The following SHROOM2 variants were observed in gnomAD, a reference collection of about 807,000 sequenced individuals.
SHROOM2 encodes the protein shroom family member 2, also known as protein Shroom2.
In SHROOM2, 33 loss-of-function variants were observed where a neutral mutation model predicts 75.9. The ratio of observed to expected loss-of-function variants is 0.43; its 90% CI spans 0.33 to 0.58. The LOEUF (loss-of-function observed/expected upper bound fraction) is 0.58, where lower values mean the gene tolerates loss of function less well. Among genes scored for constraint, SHROOM2 ranks in the 20% least tolerant of loss-of-function variants. The pLI is 0.04. For missense variants in SHROOM2, 1,434 were observed against 1,461.2 expected, an observed-to-expected ratio of 0.98 and a Z score of 0.30; for synonymous variants, 655 against 663.6, an observed-to-expected ratio of 0.99 and a Z score of 0.20.
rs2084198239 is a variant in SHROOM2 at position 9,875,855 on chromosome X, A to G, written c.317+2052A>G. Among the ~76,000 whole-genome samples the G allele has an allele frequency of 3.5e-5, 4 of 112,721 alleles. No individual in the cohort carries two copies. In the South Asian group the frequency reaches 1.5e-3, roughly 41 times the overall value. On this transcript the variant is annotated intron_variant, in intron 2 of 9. Transcript: ENST00000380913. ...GTCAGGTATCATTCCATATGTTTAGAAGCAAGGTAGATGTGATTCTTTTTT... is the reference window on the plus strand; with the variant it reads ...GTCAGGTATCATTCCATATGTTTAGGAGCAAGGTAGATGTGATTCTTTTTT...
At chrX:9,844,871 T>C (rs1177875294) in intron 1 of SHROOM2, among the ~76,000 whole-genome samples, 14 of 111,539 alleles carry the variant, frequency 1.3e-4, no homozygotes, top group South Asian at 7.6e-4. Flanking sequence ...TTCAAAATAG[T>C]GTTTGAAAGT....
chrX:9,802,762 C>T (rs932874780), intron 1 of SHROOM2, among the ~76,000 whole-genome samples: 4 of 110,883 alleles, frequency 3.6e-5, no homozygotes, highest in Admixed American at 9.7e-5. Context: ...CACATTGTTA[C>T]ACTGTTCTGA....
chrX:9,910,018 T>C (rs1045782355), intron 5 of SHROOM2, among the ~76,000 whole-genome samples: 1 of 110,013 alleles, frequency 9.1e-6, no homozygotes, highest in African/African-American at 3.3e-5. Flanking sequence ...TCGCAAGAGC[T>C]CCATCCTTAT....
At chrX:9,938,230 A>G (rs12689222) in intron 7 of SHROOM2, among the ~76,000 whole-genome samples, 13,372 of 111,460 alleles carry the variant, frequency 0.12, 730 homozygotes, top group East Asian at 0.25. Context: ...CTTTATTTGA[A>G]ATTTTTTTAC....
Position 9,894,873 on chromosome X carries a change from G to T in SHROOM2, c.965G>T (p.Arg322Leu), listed in dbSNP as rs760130171. The change falls in exon 4 of 10, where the codon CGC becomes CTC. Residue 322 changes from arginine to leucine, a missense_variant. Physicochemically the swap from Arg to Leu is moderately radical, Grantham distance 102. This residue lies in a region of SHROOM2 where 1,340 missense variants were observed against 1,338.3 expected (regional missense o/e 1.00). Transcript: ENST00000380913. The stretch of plus-strand genomic sequence containing the variant: ...CCACCTCCTCCCCCTCCCCCTCTCC[G>T]CAGTGACAGCTTTGCTGCCACCAAG... ...SSPPPPPPPL[R>L]SDSFAATKSH... 1.1e-5 allele frequency: 13 copies of T among 1,208,515 alleles called. No individual in the cohort carries two copies. Among genetic ancestry groups the T allele is most frequent in the South Asian group, 1.8e-5 (1 of 56,723 alleles).
chrX:9,841,675 G>A (rs1403037456), intron 1 of SHROOM2, among the ~76,000 whole-genome samples: 1 of 111,673 alleles, frequency 9.0e-6, no homozygotes, highest in African/African-American at 3.3e-5. Context: ...AGACCAATTC[G>A]GAATGAGTTA....
intron 5 of SHROOM2, among the ~76,000 whole-genome samples, chrX:9,928,067 G>A (rs895034679): frequency 8.9e-6 from 1 of 112,100 alleles, no homozygotes; most frequent in Admixed American, 9.4e-5. Flanking sequence ...CACTAATGGT[G>A]GCCCTTCCTG....
chrX:9,848,510 C>CAAAAACAAAAA (rs2084019232), intron 1 of SHROOM2, among the ~76,000 whole-genome samples: 1 of 22,038 alleles, frequency 4.5e-5, no homozygotes, highest in African/African-American at 1.5e-4. Flanking sequence ...GACTCCGTCT[C>CAAAAACAAAAA]AAAAAAAAAA....
chrX:9,892,979 G>A (rs1389717792), intron 3 of SHROOM2, among the ~76,000 whole-genome samples: 4 of 112,564 alleles, frequency 3.6e-5, no homozygotes, highest in East Asian at 2.8e-4. Context: ...TCAACTCACC[G>A]TCAATTTCAT....
At chrX:9,835,938 G>A (rs1859014) in intron 1 of SHROOM2, among the ~76,000 whole-genome samples, 1 of 112,028 alleles carries the variant, frequency 8.9e-6, no homozygotes, top group African/African-American at 3.2e-5. Flanking sequence ...GAAGAAAGTT[G>A]GTTGGAGCTG....
At chrX:9,795,791 CTTA>C (rs756241729) in intron 1 of SHROOM2, among the ~76,000 whole-genome samples, 39 of 108,895 alleles carry the variant, frequency 3.6e-4, no homozygotes, top group Admixed American at 3.6e-3. Flanking sequence ...TTTTTTTCTA[CTTA>C]ATAAACTTCT....
At chrX:9,906,514 G>A in intron 5 of SHROOM2, among the ~76,000 whole-genome samples, 1 of 113,049 alleles carries the variant, frequency 8.8e-6, no homozygotes, top group Non-Finnish European at 1.9e-5. Context: ...GGTCTGTCAG[G>A]CAGGGCGTGG....
rs1018711776 is a variant in SHROOM2 at position 9,894,533 on chromosome X, G to A, written c.625G>A (p.Ala209Thr). Residue 209 changes from alanine to threonine, a missense_variant, in exon 4 of 10, where the codon GCC becomes ACC. Physicochemically the swap from Ala to Thr is moderately conservative, Grantham distance 58. Transcript: ENST00000380913. ...GGGCAGCCACAGCAAGCGCGACTCGGCCTACGGCTCCTTCTCCACCAGCTC... is the reference window on the plus strand; with the variant it reads ...GGGCAGCCACAGCAAGCGCGACTCGACCTACGGCTCCTTCTCCACCAGCTC... ...HLGSHSKRDS[A>T]YGSFSTSSST... 1 of 1,211,462 alleles carries A rather than the reference G, an allele frequency of 8.3e-7. No individual in the cohort carries two copies. Among genetic ancestry groups the A allele is most frequent in the Non-Finnish European group, 1.1e-6 (1 of 895,470 alleles).
intron 1 of SHROOM2, chrX:9,819,311 G>C (rs2083839459): frequency 5.5e-6 from 3 of 542,947 alleles, no homozygotes; most frequent in Non-Finnish European, 9.3e-6. Flanking sequence ...CAAAATACTT[G>C]GTGGGATACC....
intron 1 of SHROOM2, among the ~76,000 whole-genome samples, chrX:9,853,787 C>T (rs1230917887): frequency 8.9e-6 from 1 of 111,921 alleles, no homozygotes; most frequent in Non-Finnish European, 1.9e-5. Flanking sequence ...ATAATTCAGC[C>T]CCATAACAAA....
chrX:9,809,355 G>C (rs181296910), intron 1 of SHROOM2, among the ~76,000 whole-genome samples: 1 of 110,849 alleles, frequency 9.0e-6, no homozygotes, highest in Non-Finnish European at 1.9e-5. Flanking sequence ...ATTAGATGGT[G>C]CCCACCAGAT....
In SHROOM2 at chrX:9,895,759, C is replaced by G; in HGVS notation, c.1851C>G (p.Gly617=). The stretch of plus-strand genomic sequence containing the variant: ...CGCCACCGTTCGACGCCCACGTGGG[C>G]AAGCCCACCCGAAGAAGCGACCGCT... ...TRPPPFDAHV[G]KPTRRSDRFA... Residue 617 remains glycine, a synonymous_variant, in exon 4 of 10, where the codon GGC becomes GGG. Transcript: ENST00000380913. The G allele has an allele frequency of 8.3e-7, 1 of 1,201,486 alleles. No homozygotes were observed. The highest frequency in any genetic ancestry group is 1.1e-6 in the Non-Finnish European group (1 of 890,534).
intron 6 of SHROOM2, among the ~76,000 whole-genome samples, chrX:9,934,721 AAT>A (rs2084683028): frequency 8.9e-6 from 1 of 111,919 alleles, no homozygotes; most frequent in Admixed American, 9.5e-5. Flanking sequence ...AATGATCAGG[AAT>A]AGATGCTTTG....
rs766645324 is a variant in SHROOM2 at position 9,895,218 on chromosome X, C to T, written c.1310C>T (p.Pro437Leu). 1 of 1,205,753 alleles carries T rather than the reference C, an allele frequency of 8.3e-7. No homozygotes were observed. The highest frequency in any genetic ancestry group is 2.2e-5 in the Admixed American group (1 of 45,342). The change falls in exon 4 of 10, where the codon CCC becomes CTC. Residue 437 changes from proline to leucine, a missense_variant. Physicochemically the swap from Pro to Leu is moderately conservative, Grantham distance 98 (BLOSUM62 -3). Transcript: ENST00000380913. ...CCTCCCCTATACAGCGACCACAGCCCCCTCTGTGCTGACAGCCTTGGGCAG... is the reference window on the plus strand; with the variant it reads ...CCTCCCCTATACAGCGACCACAGCCTCCTCTGTGCTGACAGCCTTGGGCAG... The part of the protein sequence containing the change: ...RHPPLYSDHS[P>L]LCADSLGQEP...
Sources: gnomAD v4.1 joint callset for allele counts (sites outside exome capture counted in the v4.1 genomes callset) on GRCh38, gnomAD v4.1.1 for gene constraint, gnomAD v4.1.1 regional missense constraint, MANE v1.5 for transcripts, NCBI Gene and HGNC (gene_info 2026-07-23, HGNC 2026-07-21) for gene names.